UBXN8: variants seen among roughly 807,000 people sequenced by gnomAD.
The protein encoded by UBXN8 is UBX domain-containing protein 8.
UBXN8 carries 27 observed loss-of-function variants against 32.1 expected under a neutral mutation model. That is an observed-to-expected ratio of 0.84 (90% CI 0.62 to 1.16). The LOEUF (loss-of-function observed/expected upper bound fraction) is 1.16. Ranked by LOEUF, UBXN8 falls within the 50% of genes most tolerant of loss-of-function variation. UBXN8 has a pLI of 0.00. For missense variants in UBXN8, 306 were observed against 311.4 expected (o/e 0.98, Z 0.13); for synonymous variants, 109 against 111.8 (o/e 0.98, Z 0.16).
At chr8:30,735,450 A>G (rs1805050787) in intron 1 of UBXN8, among the ~76,000 whole-genome samples, 1 of 152,144 alleles carries the variant, frequency 6.6e-6, no homozygotes, top group Non-Finnish European at 1.5e-5. Flanking sequence ...CCACCCACTC[A>G]GGAGGCTGAG....
upstream of UBXN8, among the ~76,000 whole-genome samples, chr8:30,740,302 C>T (rs1451659857): frequency 4.7e-5 from 7 of 149,332 alleles, no homozygotes; most frequent in East Asian, 2.0e-4. Flanking sequence ...ATGATATGCA[C>T]GATGAAGTAT....
Position 30,736,626 on chromosome 8 carries a change from C to T in UBXN8, c.622+3318C>T, listed in dbSNP as rs1291456384. Among the ~76,000 whole-genome samples, 4 of 152,222 alleles carry T rather than the reference C, an allele frequency of 2.6e-5. No homozygotes were observed. In the East Asian group the frequency reaches 7.7e-4, roughly 29 times the overall value. On this transcript the variant is annotated intron_variant, in intron 1 of 1. Coordinates refer to the UBXN8 transcript ENST00000522968. ...TAGCTGGGATATCAGGCACCCACCA[C>T]CATGCCCAGATACTTTTTGTATTTT...
chr8:30,744,423 C>T, intron 1 of UBXN8, 146 bp downstream of exon 1: 1 of 752,386 alleles, frequency 1.3e-6, no homozygotes, highest in Non-Finnish European at 2.2e-6. Context: ...CCCCCACTTC[C>T]GGAGCTGACT....
chr8:30,755,364 C>T (rs1805629832), intron 4 of UBXN8, among the ~76,000 whole-genome samples: 1 of 152,118 alleles, frequency 6.6e-6, no homozygotes, highest in Admixed American at 6.6e-5. Context: ...ATCCTCCTGC[C>T]TCAGCTTCTT....
upstream of UBXN8, among the ~76,000 whole-genome samples, chr8:30,739,171 G>A (rs968052871): frequency 3.3e-5 from 5 of 150,584 alleles, no homozygotes. Flanking sequence ...GTAGCATGAG[G>A]AATTCCTGTG....
chr8:30,752,790 T>C (rs1447861274), intron 2 of UBXN8, among the ~76,000 whole-genome samples: 1 of 152,196 alleles, frequency 6.6e-6, no homozygotes. Flanking sequence ...TTTATTAAAA[T>C]GTAAGTAAAT....
chr8:30,754,374 T>C (rs1758807789), intron 3 of UBXN8: 1 of 495,930 alleles, frequency 2.0e-6, no homozygotes, highest in South Asian at 1.7e-5. Flanking sequence ...TGAATCAGGA[T>C]AGGAAAAGTA....
At chr8:30,755,533 G>A (rs1045419529) in intron 4 of UBXN8, among the ~76,000 whole-genome samples, 6 of 152,094 alleles carry the variant, frequency 3.9e-5, no homozygotes, top group Middle Eastern at 6.8e-3. Context: ...CAGGCAGATT[G>A]CTTGAGACGA....
At chr8:30,730,278 G>GT (rs1464770400), upstream of UBXN8, among the ~76,000 whole-genome samples, 13 of 152,196 alleles carry the variant, frequency 8.5e-5, no homozygotes, top group Admixed American at 1.3e-4. Flanking sequence ...GGAGAGGCGT[G>GT]TTTTTGTGTG....
chr8:30,739,080 A>G lies in UBXN8; in HGVS notation c.622+5772A>G, dbSNP rs115455835. On this transcript the variant is annotated intron_variant, in intron 1 of 1. Coordinates refer to the UBXN8 transcript ENST00000522968. ...CTCAATTAAGATGGAGGGGGAAAAAAGGAGACGGAGACCAGACGAGTGGTT... is the reference window on the plus strand; with the variant it reads ...CTCAATTAAGATGGAGGGGGAAAAAGGGAGACGGAGACCAGACGAGTGGTT... 1.8e-3 allele frequency among the ~76,000 whole-genome samples: 278 copies of G among 150,912 alleles called. 7 individuals are homozygous for G. The highest frequency in any genetic ancestry group is 6.6e-3 in the African/African-American group (272 of 41,386).
At chr8:30,761,789 AG>A (rs1168609165) in intron 6 of UBXN8, among the ~76,000 whole-genome samples, 2 of 151,932 alleles carry the variant, frequency 1.3e-5, no homozygotes, top group African/African-American at 4.8e-5. Flanking sequence ...GAAAATGAAG[AG>A]GGCGACTACT....
intron 4 of UBXN8, chr8:30,756,261 C>G (rs1305001800): frequency 1.9e-5 from 3 of 154,316 alleles, no homozygotes; most frequent in Admixed American, 1.9e-4. Flanking sequence ...CTGCCTCAGT[C>G]TCCCACGTAG....
intron 7 of UBXN8, among the ~76,000 whole-genome samples, chr8:30,765,959 G>A (rs1381847767): frequency 1.2e-4 from 18 of 147,634 alleles, no homozygotes; most frequent in Admixed American, 1.2e-3. Flanking sequence ...TCAGTGAGCC[G>A]AGATCATGCC....
chr8:30,755,740 A>G (rs1207531878), intron 4 of UBXN8, among the ~76,000 whole-genome samples: 1 of 137,782 alleles, frequency 7.3e-6, no homozygotes, highest in Non-Finnish European at 1.6e-5. Flanking sequence ...GCTGGGAGAC[A>G]GAGCAAGACC....
chr8:30,744,413 C>A, intron 1 of UBXN8, 136 bp downstream of exon 1: 2 of 808,402 alleles, frequency 2.5e-6, no homozygotes, highest in Non-Finnish European at 4.0e-6. Context: ...CGCCCCTGCC[C>A]CCCCACTTCC....
upstream of UBXN8, among the ~76,000 whole-genome samples, chr8:30,740,804 T>C (rs80001686): frequency 0.037 from 5,664 of 152,166 alleles, 287 homozygotes; most frequent in African/African-American, 0.11. Context: ...CTGATTTTAC[T>C]GTTCCAGGAA....
At chr8:30,737,679 C>T (rs1317981177) in intron 1 of UBXN8, among the ~76,000 whole-genome samples, 2 of 152,130 alleles carry the variant, frequency 1.3e-5, no homozygotes, top group Non-Finnish European at 1.5e-5. Context: ...CAGAGCGAGA[C>T]CCTGTCTCAA....
intron 6 of UBXN8, among the ~76,000 whole-genome samples, chr8:30,762,204 C>T (rs1233320595): frequency 6.6e-6 from 1 of 151,762 alleles, no homozygotes; most frequent in African/African-American, 2.4e-5. Flanking sequence ...ACTAGGACTG[C>T]AGGCATGTGC....
intron 5 of UBXN8, 107 bp downstream of exon 5, chr8:30,756,994 A>G: frequency 2.0e-6 from 3 of 1,472,830 alleles, no homozygotes; most frequent in Non-Finnish European, 1.8e-6. Context: ...CCTTTCATCC[A>G]GATGGTGTCT....
Sources: allele counts gnomAD v4.1 joint callset (sites outside exome capture counted in the v4.1 genomes callset), GRCh38; gene constraint gnomAD v4.1.1; transcripts MANE v1.5; gene names NCBI Gene and HGNC (gene_info 2026-07-23, HGNC 2026-07-21).